GPC6: variants seen among roughly 807,000 people sequenced by gnomAD.
GPC6 encodes the protein glypican 6.
In GPC6, 14 loss-of-function variants were observed where a neutral mutation model predicts 55.2. The ratio of observed to expected loss-of-function variants is 0.25; its 90% CI spans 0.17 to 0.40. The LOEUF is 0.40. Ranked by LOEUF, GPC6 falls within the 10% of genes least tolerant of loss-of-function variation. GPC6 has a pLI of 1.00. For missense variants in GPC6, 641 were observed against 708.5 expected (o/e 0.90, Z 1.08); for synonymous variants, 278 against 259.6 (o/e 1.07, Z -0.68).
At chr13:94,372,371 C>T (rs943892042) in intron 6 of GPC6, among the ~76,000 whole-genome samples, 4 of 151,702 alleles carry the variant, frequency 2.6e-5, no homozygotes, top group South Asian at 2.1e-4. Context: ...GTGCGCGAGC[C>T]GAAGCAGGGC....
chr13:93,425,149 C>T (rs1175918119), intron 1 of GPC6, among the ~76,000 whole-genome samples: 2 of 152,074 alleles, frequency 1.3e-5, no homozygotes, highest in Admixed American at 1.3e-4. Context: ...AAAATTAATG[C>T]AAAATTCGTG....
chr13:93,694,740 C>G (rs1463392173), intron 2 of GPC6, among the ~76,000 whole-genome samples: 6 of 152,136 alleles, frequency 3.9e-5, no homozygotes, highest in African/African-American at 1.4e-4. Context: ...AGGTCCTACT[C>G]TCAGGCAAAC....
chr13:93,582,855 C>T (rs1017637234), intron 2 of GPC6, among the ~76,000 whole-genome samples: 1 of 152,154 alleles, frequency 6.6e-6, no homozygotes, highest in Non-Finnish European at 1.5e-5. Flanking sequence ...TAAGGGTAGC[C>T]AATGCACTTT....
intron 8 of GPC6, among the ~76,000 whole-genome samples, chr13:94,400,873 A>G (rs1415982365): frequency 6.6e-6 from 1 of 152,196 alleles, no homozygotes; most frequent in African/African-American, 2.4e-5. Context: ...TTCTCCTAAC[A>G]GATAGATGTT....
chr13:93,998,064 A>C (rs1002083877), intron 3 of GPC6, among the ~76,000 whole-genome samples: 3 of 152,206 alleles, frequency 2.0e-5, no homozygotes, highest in Admixed American at 1.3e-4. Context: ...AGAGAAATCG[A>C]AAGCACTTAT....
At chr13:93,730,913 C>A (rs981088992) in intron 2 of GPC6, among the ~76,000 whole-genome samples, 2 of 152,052 alleles carry the variant, frequency 1.3e-5, no homozygotes, top group Admixed American at 6.6e-5. Context: ...TAAAACAGGA[C>A]CTCACCCCTT....
At chr13:94,333,777 C>A (rs1232031751) in intron 6 of GPC6, among the ~76,000 whole-genome samples, 1 of 152,150 alleles carries the variant, frequency 6.6e-6, no homozygotes, top group Admixed American at 6.5e-5. Context: ...CTCCAATTAC[C>A]ATTCCCTTTC....
At chr13:94,355,277 C>T (rs960453357) in intron 6 of GPC6, among the ~76,000 whole-genome samples, 1 of 152,152 alleles carries the variant, frequency 6.6e-6, no homozygotes, top group Non-Finnish European at 1.5e-5. Flanking sequence ...CCCGCGTCGG[C>T]CTCCCAAAGT....
intron 2 of GPC6, among the ~76,000 whole-genome samples, chr13:93,551,061 A>G (rs1388179556): frequency 6.6e-6 from 1 of 152,142 alleles, no homozygotes; most frequent in Non-Finnish European, 1.5e-5. Flanking sequence ...GACTTTTTGG[A>G]AGAGCTTGCA....
intron 2 of GPC6, among the ~76,000 whole-genome samples, chr13:93,686,081 T>C (rs1882035839): frequency 6.6e-6 from 1 of 152,128 alleles, no homozygotes; most frequent in Non-Finnish European, 1.5e-5. Context: ...ACTAGTCAAT[T>C]TGGATAGCAG....
intron 3 of GPC6, among the ~76,000 whole-genome samples, chr13:93,958,490 A>C (rs531085153): frequency 6.6e-6 from 1 of 152,134 alleles, no homozygotes; most frequent in African/African-American, 2.4e-5. Context: ...GGCCTTGTCA[A>C]TCATCAGATG....
At chr13:93,738,021 T>C (rs1884061404) in intron 2 of GPC6, among the ~76,000 whole-genome samples, 1 of 152,142 alleles carries the variant, frequency 6.6e-6, no homozygotes, top group Admixed American at 6.5e-5. Flanking sequence ...TGTGCCAGAT[T>C]ACCAACCACT....
At chr13:93,637,428 T>A (rs190054404) in intron 2 of GPC6, among the ~76,000 whole-genome samples, 291 of 152,242 alleles carry the variant, frequency 1.9e-3, no homozygotes, top group African/African-American at 6.3e-3. Context: ...TGCCACAATG[T>A]TTTGCCAGAC....
chr13:94,277,527 T>A (rs567159085), intron 4 of GPC6, among the ~76,000 whole-genome samples: 19 of 152,312 alleles, frequency 1.2e-4, no homozygotes, highest in African/African-American at 4.6e-4. Context: ...CTGAATGGTA[T>A]TGCCTAGATT....
rs540419266 is a variant in GPC6, at chr13:93,457,997, G to A, written c.161-87266G>A. Among the ~76,000 whole-genome samples, 8 of 152,284 alleles carry A rather than the reference G, an allele frequency of 5.3e-5. No homozygotes were observed. The South Asian group carries it at 1.2e-3, about 24-fold the overall frequency. On this transcript the variant is annotated intron_variant, in intron 1 of 8. Transcript: ENST00000377047. ...GAGGATTCATTCCTGAAATGAAAATGGAAGGTGCATCTTTATGAGTAAAAG... is the reference window on the plus strand; with the variant it reads ...GAGGATTCATTCCTGAAATGAAAATAGAAGGTGCATCTTTATGAGTAAAAG...
At chr13:93,581,552 C>G (rs1876936513) in intron 2 of GPC6, among the ~76,000 whole-genome samples, 1 of 151,988 alleles carries the variant, frequency 6.6e-6, no homozygotes, top group Non-Finnish European at 1.5e-5. Context: ...TACAAAAATA[C>G]AAAAATGAGC....
intron 2 of GPC6, among the ~76,000 whole-genome samples, chr13:93,737,771 A>G (rs1459740739): frequency 6.6e-6 from 1 of 152,104 alleles, no homozygotes; most frequent in Non-Finnish European, 1.5e-5. Context: ...AGGACTCTAT[A>G]CTCTAGAAAT....
intron 4 of GPC6, among the ~76,000 whole-genome samples, chr13:94,255,430 A>T (rs1240207616): frequency 1.3e-5 from 2 of 152,152 alleles, no homozygotes; most frequent in Admixed American, 1.3e-4. Flanking sequence ...AAATTTTACC[A>T]CTATAGAAAC....
intron 1 of GPC6, among the ~76,000 whole-genome samples, chr13:93,508,647 G>A (rs1022546868): frequency 6.6e-6 from 1 of 152,192 alleles, no homozygotes. Context: ...AAAGTGTTGA[G>A]TATTACATGT....
Sources: gnomAD v4.1 joint callset for allele counts (sites outside exome capture counted in the v4.1 genomes callset) on GRCh38, gnomAD v4.1.1 for gene constraint, MANE v1.5 for transcripts, NCBI Gene and HGNC (gene_info 2026-07-23, HGNC 2026-07-21) for gene names.